ARHGAP21: variants seen among roughly 807,000 people sequenced by gnomAD.
The protein encoded by ARHGAP21 is Rho GTPase activating protein 21, also known as rho GTPase-activating protein 21.
Under a neutral mutation model 164.6 loss-of-function variants are expected in ARHGAP21, and 38 were observed. That is an observed-to-expected ratio of 0.23 (90% CI 0.18 to 0.30). The LOEUF (loss-of-function observed/expected upper bound fraction) is 0.30, where lower values mean the gene tolerates loss of function less well. ARHGAP21 is among the 10% of genes least tolerant of loss of function. The probability of loss-of-function intolerance (pLI) is 1.00; values close to 1 mark genes in which losing one functional copy is unlikely to be tolerated. For missense variants in ARHGAP21, 1,822 were observed against 2,370.7 expected (o/e 0.77, Z 4.81); for synonymous variants, 766 against 857.9 (o/e 0.89, Z 1.87).
intron 25 of ARHGAP21, among the ~76,000 whole-genome samples, chr10:24,586,320 T>A (rs967619526): frequency 1.3e-5 from 2 of 152,202 alleles, no homozygotes; most frequent in Non-Finnish European, 2.9e-5. Context: ...CCTCGTGGTA[T>A]TTAACTGCCA....
At chr10:24,613,503 T>A (rs950077178) in intron 9 of ARHGAP21, among the ~76,000 whole-genome samples, 2 of 152,212 alleles carry the variant, frequency 1.3e-5, no homozygotes, top group Non-Finnish European at 2.9e-5. Flanking sequence ...TAAATTAACA[T>A]TCAGCTTCTT....
At chr10:24,670,896 C>G (rs1296220615) in intron 2 of ARHGAP21, among the ~76,000 whole-genome samples, 4 of 152,216 alleles carry the variant, frequency 2.6e-5, no homozygotes, top group African/African-American at 9.6e-5. Flanking sequence ...GATAACCCTT[C>G]TGATACCCTG....
chr10:24,613,227 T>C (rs983203337), intron 9 of ARHGAP21, among the ~76,000 whole-genome samples: 1 of 152,204 alleles, frequency 6.6e-6, no homozygotes, highest in African/African-American at 2.4e-5. Context: ...GAAAGAATGT[T>C]TAAAAATGAT....
chr10:24,690,803 G>C (rs1211949087), intron 2 of ARHGAP21, among the ~76,000 whole-genome samples: 1 of 146,694 alleles, frequency 6.8e-6, no homozygotes. Flanking sequence ...ACTCCAGCCT[G>C]AGTGACAGAG....
intron 2 of ARHGAP21, among the ~76,000 whole-genome samples, chr10:24,700,654 G>A (rs1002004622): frequency 6.6e-6 from 1 of 152,138 alleles, no homozygotes; most frequent in Admixed American, 6.5e-5. Context: ...TAGCCACTTA[G>A]AATTTTTCTA....
intron 7 of ARHGAP21, among the ~76,000 whole-genome samples, chr10:24,625,997 C>T (rs189694394): frequency 1.3e-4 from 20 of 152,216 alleles, no homozygotes; most frequent in Non-Finnish European, 8.8e-5. Flanking sequence ...CAGACCCGCC[C>T]GAGTTCAAAT....
chr10:24,635,152 A>G (rs1167966506), intron 4 of ARHGAP21, 49 bp from the exon 5 acceptor site: 13 of 1,163,468 alleles, frequency 1.1e-5, no homozygotes, highest in Non-Finnish European at 1.6e-5. Context: ...ATACTTTACT[A>G]AAATACCTAA....
chr10:24,633,030 T>C (rs533826554), intron 6 of ARHGAP21, among the ~76,000 whole-genome samples: 3 of 152,342 alleles, frequency 2.0e-5, no homozygotes, highest in South Asian at 4.1e-4. Flanking sequence ...TTCAAAAAGA[T>C]ACTTAAAAGT....
intron 9 of ARHGAP21, among the ~76,000 whole-genome samples, chr10:24,618,833 A>G (rs968578977): frequency 4.6e-5 from 7 of 152,222 alleles, no homozygotes. Flanking sequence ...GGTTCTGCAC[A>G]GAGGAGTGGT....
At chr10:24,659,909 T>C (rs564917481) in intron 4 of ARHGAP21, among the ~76,000 whole-genome samples, 2 of 152,218 alleles carry the variant, frequency 1.3e-5, no homozygotes, top group African/African-American at 4.8e-5. Flanking sequence ...TGCACCTTAG[T>C]TTCATCATCT....
chr10:24,663,604 C>T (rs112914137), intron 4 of ARHGAP21, among the ~76,000 whole-genome samples: 2,611 of 152,302 alleles, frequency 0.017, 67 homozygotes, highest in African/African-American at 0.052. Flanking sequence ...TCTTGGCTCA[C>T]TGCAACCTCC....
chr10:24,656,533 C>T (rs1412488056), intron 4 of ARHGAP21, among the ~76,000 whole-genome samples: 2 of 91,296 alleles, frequency 2.2e-5, no homozygotes, highest in Non-Finnish European at 4.6e-5. Flanking sequence ...GTCAGCCCCC[C>T]GCCCGGCCAG....
At chr10:24,644,784 T>C (rs1029401849) in intron 4 of ARHGAP21, among the ~76,000 whole-genome samples, 2 of 152,244 alleles carry the variant, frequency 1.3e-5, no homozygotes, top group African/African-American at 4.8e-5. Flanking sequence ...CTTAGAGTCC[T>C]GTCTTCATTC....
At chr10:24,608,733 A>G (rs913706673) in intron 9 of ARHGAP21, among the ~76,000 whole-genome samples, 1 of 152,046 alleles carries the variant, frequency 6.6e-6, no homozygotes, top group Non-Finnish European at 1.5e-5. Flanking sequence ...AAAATCAGTA[A>G]ATTCTAACTG....
rs911713293 is a variant in ARHGAP21 at position 24,663,988 on chromosome 10, A to C, written c.268+2997T>G. Among the ~76,000 whole-genome samples the C allele has an allele frequency of 2.0e-5, 3 of 152,302 alleles. No homozygotes were observed. The South Asian group carries it at 6.2e-4, about 32-fold the overall frequency. ...CCATATACCTCCAGGGAGCAATATC[A>C]TCCCCAGCTGAGAAGCGCTTTAAGC... On this transcript the variant is annotated intron_variant, in intron 4 of 25. Transcript: ENST00000396432.
Position 24,597,928 on chromosome 10 carries a change from C to T in ARHGAP21, c.3197+17G>A. The T allele has an allele frequency of 1.9e-6, 3 of 1,607,898 alleles. No homozygotes were observed. The highest frequency in any genetic ancestry group is 2.6e-6 in the Non-Finnish European group (3 of 1,176,142). ...ATTTTATATCCAAATTAACTGCAGGCAAGGTGGGATTCTCACCTCATCAGA... is the reference window on the plus strand; with the variant it reads ...ATTTTATATCCAAATTAACTGCAGGTAAGGTGGGATTCTCACCTCATCAGA... On this transcript the variant is annotated intron_variant, in intron 15 of 25. Transcript: ENST00000396432.
At chr10:24,675,021 T>C (rs933958901) in intron 2 of ARHGAP21, among the ~76,000 whole-genome samples, 14 of 152,176 alleles carry the variant, frequency 9.2e-5, no homozygotes, top group African/African-American at 3.4e-4. Flanking sequence ...TGGAAAACAG[T>C]CTGACAGTTT....
intron 9 of ARHGAP21, among the ~76,000 whole-genome samples, chr10:24,614,873 A>C (rs1258382812): frequency 6.6e-6 from 1 of 151,948 alleles, no homozygotes; most frequent in Non-Finnish European, 1.5e-5. Flanking sequence ...GCTACAAAGA[A>C]ATTTAAAGTG....
chr10:24,676,046 G>C (rs529319417), intron 2 of ARHGAP21, among the ~76,000 whole-genome samples: 1 of 152,268 alleles, frequency 6.6e-6, no homozygotes, highest in East Asian at 1.9e-4. Flanking sequence ...TACTTGAGAG[G>C]CTGAGGCAGG....
Sources: allele counts gnomAD v4.1 joint callset (sites outside exome capture counted in the v4.1 genomes callset), GRCh38; gene constraint gnomAD v4.1.1; transcripts MANE v1.5; gene names NCBI Gene and HGNC (gene_info 2026-07-23, HGNC 2026-07-21).